Variants in DPP6 observed in about 807,000 individuals in gnomAD.
DPP6 encodes the protein A-type potassium channel modulatory protein DPP6.
A neutral mutation model predicts 122.6 loss-of-function variants in DPP6; 69 were observed. The ratio of observed to expected loss-of-function variants is 0.56; its 90% CI spans 0.46 to 0.69. The LOEUF is 0.69. Among genes scored for constraint, DPP6 ranks in the 30% least tolerant of loss-of-function variants. DPP6 has a pLI of 0.00. For missense variants in DPP6, 928 were observed against 1,116.9 expected, an observed-to-expected ratio of 0.83 and a Z score of 2.41; for synonymous variants, 418 against 433.1, an observed-to-expected ratio of 0.97 and a Z score of 0.43.
At chr7:154,119,069 G>A (rs1807224033) in intron 1 of DPP6, among the ~76,000 whole-genome samples, 1 of 152,178 alleles carries the variant, frequency 6.6e-6, no homozygotes, top group South Asian at 2.1e-4. Context: ...CAGATGAGAT[G>A]CAAACTCAGA....
intron 6 of DPP6, among the ~76,000 whole-genome samples, chr7:154,656,734 G>A (rs1161900752): frequency 2.1e-5 from 3 of 141,952 alleles, no homozygotes; most frequent in Admixed American, 7.0e-5. Flanking sequence ...GGGTGGAGAG[G>A]CTGCGTGGGA....
intron 1 of DPP6, among the ~76,000 whole-genome samples, chr7:154,101,613 G>C (rs1459134621): frequency 2.0e-5 from 3 of 151,930 alleles, no homozygotes; most frequent in African/African-American, 7.3e-5. Context: ...CTGTAACTAG[G>C]ATGTTGCATG....
At chr7:154,575,457 T>TGTGGTATGTGTGTATGTGTGA (rs1831563667) in intron 5 of DPP6, among the ~76,000 whole-genome samples, 1 of 109,404 alleles carries the variant, frequency 9.1e-6, no homozygotes, top group Admixed American at 9.2e-5. Flanking sequence ...TGTATGTGTG[T>TGTGGTATGTGTGTATGTGTGA]GNGCGGGTGT....
intron 10 of DPP6, 71 bp from the exon 11 acceptor site, chr7:154,794,008 G>A: frequency 1.9e-6 from 3 of 1,559,214 alleles, no homozygotes; most frequent in South Asian, 1.2e-5. Context: ...CAGGGCTGGG[G>A]TCGGCGGTCC....
intron 1 of DPP6, among the ~76,000 whole-genome samples, chr7:154,367,220 C>T: frequency 6.6e-6 from 1 of 152,116 alleles, no homozygotes; most frequent in East Asian, 1.9e-4. Flanking sequence ...CCGGAAGGAT[C>T]CTAACTAAAA....
intron 4 of DPP6, among the ~76,000 whole-genome samples, chr7:154,549,404 A>G (rs1829462160): frequency 6.6e-6 from 1 of 152,236 alleles, no homozygotes; most frequent in African/African-American, 2.4e-5. Context: ...GTAAAACTTC[A>G]TGATTCAGAG....
chr7:153,981,837 ATTT>A (rs1011881520), intron 1 of DPP6, among the ~76,000 whole-genome samples: 2 of 145,914 alleles, frequency 1.4e-5, no homozygotes, highest in Non-Finnish European at 3.0e-5. Context: ...TCTGGGTTGA[ATTT>A]TTTTTTTTTT....
intron 16 of DPP6, among the ~76,000 whole-genome samples, chr7:154,816,534 A>C (rs910516576): frequency 1.2e-4 from 18 of 152,206 alleles, no homozygotes; most frequent in African/African-American, 4.3e-4. Context: ...GGCTGTTTTG[A>C]AGATTAACCT....
intron 1 of DPP6, among the ~76,000 whole-genome samples, chr7:154,066,725 A>G: frequency 6.6e-6 from 1 of 151,740 alleles, no homozygotes; most frequent in Non-Finnish European, 1.5e-5. Flanking sequence ...TACAATAAAG[A>G]TTTTATTCAT....
At chr7:154,041,256 CA>C (rs1265729386) in intron 1 of DPP6, among the ~76,000 whole-genome samples, 2 of 152,082 alleles carry the variant, frequency 1.3e-5, no homozygotes, top group African/African-American at 4.8e-5. Flanking sequence ...AAGAAATGTG[CA>C]AAAATCAATA....
chr7:154,535,685 TA>T lies in DPP6; in HGVS notation c.458-4834del, dbSNP rs34063841. On this transcript the variant is annotated intron_variant, in intron 3 of 25. Transcript: ENST00000377770. Reference sequence around the variant, plus strand: ...GCTTAAAGGACTCAGTAATAAATTGTAAAAAAAAAAAAATTAAAAGTGGACA... The same window carrying T: ...GCTTAAAGGACTCAGTAATAAATTGTAAAAAAAAAAAATTAAAAGTGGACA... 5.0e-3 allele frequency among the ~76,000 whole-genome samples: 724 copies of T among 144,104 alleles called. 19 individuals are homozygous for T. The East Asian group carries it at 0.08, about 16-fold the overall frequency. 94.5% of individuals were successfully genotyped at this position (144,104 alleles called of 152,430 possible).
intron 1 of DPP6, among the ~76,000 whole-genome samples, chr7:154,246,683 A>G (rs1287915153): frequency 6.6e-6 from 1 of 152,232 alleles, no homozygotes; most frequent in East Asian, 1.9e-4. Flanking sequence ...ATAAGAAAAG[A>G]CAAATAATCA....
intron 1 of DPP6, among the ~76,000 whole-genome samples, chr7:154,083,278 C>CT (rs1804164768): frequency 6.6e-6 from 1 of 152,052 alleles, no homozygotes; most frequent in Non-Finnish European, 1.5e-5. Context: ...GGAAGCCCTC[C>CT]TTGCAGAAGC....
At chr7:153,818,603 A>G in the DPP6 span, among the ~76,000 whole-genome samples, 25 of 152,034 alleles carry the variant, frequency 1.6e-4, no homozygotes, top group Non-Finnish European at 2.6e-4. Context: ...AATGTAAAAC[A>G]ATGACACATT....
intron 1 of DPP6, among the ~76,000 whole-genome samples, chr7:153,983,310 C>T (rs1796683956): frequency 6.6e-6 from 1 of 152,248 alleles, no homozygotes; most frequent in Non-Finnish European, 1.5e-5. Flanking sequence ...ATGGGCTCCG[C>T]CCAGTCTGAG....
chr7:154,154,375 C>A (rs1449364156), intron 1 of DPP6, among the ~76,000 whole-genome samples: 2 of 152,196 alleles, frequency 1.3e-5, no homozygotes, highest in African/African-American at 4.8e-5. Context: ...CTTAAGGGAT[C>A]TCTGGACAAT....
chr7:154,732,809 A>C (rs1363393918), intron 8 of DPP6, among the ~76,000 whole-genome samples: 1 of 152,224 alleles, frequency 6.6e-6, no homozygotes, highest in East Asian at 1.9e-4. Context: ...TTCCCCGTGC[A>C]TGTCAGCAGG....
At chr7:154,084,833 C>CA (rs1305035628) in intron 1 of DPP6, among the ~76,000 whole-genome samples, 1 of 150,230 alleles carries the variant, frequency 6.7e-6, no homozygotes, top group Admixed American at 6.6e-5. Context: ...ACTAAAAATA[C>CA]AAAAAAATTA....
chr7:154,666,699 C>G (rs1417017319), intron 6 of DPP6, among the ~76,000 whole-genome samples: 1 of 152,172 alleles, frequency 6.6e-6, no homozygotes, highest in Non-Finnish European at 1.5e-5. Flanking sequence ...CTACTCACTG[C>G]TCAATACTAT....
Sources: gnomAD v4.1 joint callset for allele counts (sites outside exome capture counted in the v4.1 genomes callset) on GRCh38, gnomAD v4.1.1 for gene constraint, MANE v1.5 for transcripts, NCBI Gene and HGNC (gene_info 2026-07-23, HGNC 2026-07-21) for gene names.